Variants in PRKCE observed in about 807,000 individuals in gnomAD.
PRKCE encodes the protein protein kinase C epsilon type.
A neutral mutation model predicts 85.4 loss-of-function variants in PRKCE; 16 were observed. The ratio of observed to expected loss-of-function variants is 0.19; its 90% CI spans 0.13 to 0.28. The LOEUF (loss-of-function observed/expected upper bound fraction) is 0.28, where lower values mean the gene tolerates loss of function less well. Ranked by LOEUF, PRKCE falls within the 10% of genes least tolerant of loss-of-function variation. The probability of loss-of-function intolerance (pLI) is 1.00; values close to 1 mark genes in which losing one functional copy is unlikely to be tolerated. For synonymous variants in PRKCE, 388 were observed against 371.5 expected (o/e 1.04, Z -0.51); for missense variants, 573 against 975.2 (o/e 0.59, Z 5.49).
At chr2:46,066,234 A>G (rs1046581107) in intron 10 of PRKCE, among the ~76,000 whole-genome samples, 1 of 152,120 alleles carries the variant, frequency 6.6e-6, no homozygotes, top group African/African-American at 2.4e-5. Context: ...GTTTTGATGT[A>G]TCTGTTTTTC....
chr2:45,704,669 A>G (rs1678958834), intron 1 of PRKCE, among the ~76,000 whole-genome samples: 1 of 152,192 alleles, frequency 6.6e-6, no homozygotes, highest in Admixed American at 6.5e-5. Flanking sequence ...TATTGTGAGG[A>G]TGAAATGCCT....
At chr2:45,785,500 TA>T (rs11423618) in intron 1 of PRKCE, among the ~76,000 whole-genome samples, 99 of 135,440 alleles carry the variant, frequency 7.3e-4, no homozygotes, top group Admixed American at 6.6e-4. Flanking sequence ...AAAAAAAGAA[TA>T]AAAAAAAAAA....
intron 2 of PRKCE, among the ~76,000 whole-genome samples, chr2:45,846,673 G>A (rs962735077): frequency 2.0e-5 from 3 of 152,224 alleles, no homozygotes; most frequent in Non-Finnish European, 4.4e-5. Context: ...AGTCTTCTCT[G>A]TGGGACTCAA....
At chr2:45,985,011 T>A (rs1703197335) in intron 6 of PRKCE, among the ~76,000 whole-genome samples, 1 of 152,084 alleles carries the variant, frequency 6.6e-6, no homozygotes, top group African/African-American at 2.4e-5. Flanking sequence ...AAGTAATATT[T>A]TTGGAGTTAG....
At chr2:45,904,584 C>T (rs916933227) in intron 2 of PRKCE, among the ~76,000 whole-genome samples, 20 of 152,120 alleles carry the variant, frequency 1.3e-4, no homozygotes, top group African/African-American at 4.1e-4. Context: ...CTTCCCCTGC[C>T]AAGAAGCGAA....
chr2:46,137,047 G>A (rs369906221), intron 11 of PRKCE, among the ~76,000 whole-genome samples: 3 of 152,334 alleles, frequency 2.0e-5, no homozygotes, highest in East Asian at 3.9e-4. Flanking sequence ...TTTAAGAAAT[G>A]AGTGTTAGAG....
chr2:46,020,179 G>A (rs1706527614), intron 10 of PRKCE, among the ~76,000 whole-genome samples: 1 of 152,040 alleles, frequency 6.6e-6, no homozygotes, highest in Admixed American at 6.6e-5. Context: ...TACATTTTGT[G>A]GAGGTGCCTC....
intron 1 of PRKCE, among the ~76,000 whole-genome samples, chr2:45,814,975 G>T (rs555634399): frequency 6.6e-6 from 1 of 152,216 alleles, no homozygotes; most frequent in South Asian, 2.1e-4. Context: ...GTTCCTTTCT[G>T]CTCCAAAGCT....
intron 1 of PRKCE, among the ~76,000 whole-genome samples, chr2:45,744,293 ATT>A (rs1682843875): frequency 6.6e-6 from 1 of 152,110 alleles, no homozygotes; most frequent in Non-Finnish European, 1.5e-5. Context: ...GTGTGTAGGT[ATT>A]GTTTTCCAAA....
intron 2 of PRKCE, among the ~76,000 whole-genome samples, chr2:45,916,712 C>T (rs1195895764): frequency 1.3e-5 from 2 of 152,132 alleles, no homozygotes; most frequent in African/African-American, 4.8e-5. Flanking sequence ...CACAATAAAG[C>T]CCGATTACAG....
chr2:45,892,883 A>T (rs1214035392), intron 2 of PRKCE, among the ~76,000 whole-genome samples: 2 of 152,192 alleles, frequency 1.3e-5, no homozygotes, highest in African/African-American at 4.8e-5. Context: ...AATGTGCAGC[A>T]GTCAGTAATG....
chr2:45,910,888 T>G (rs942203526), intron 2 of PRKCE, among the ~76,000 whole-genome samples: 3 of 152,100 alleles, frequency 2.0e-5, no homozygotes, highest in African/African-American at 7.2e-5. Flanking sequence ...ACCGTACAAC[T>G]TGAAGGCCTG....
intron 11 of PRKCE, among the ~76,000 whole-genome samples, chr2:46,118,833 G>C (rs1253543476): frequency 6.6e-6 from 1 of 152,296 alleles, no homozygotes; most frequent in African/African-American, 2.4e-5. Context: ...CAAACCCAGA[G>C]CAATGGCCCC....
chr2:46,103,396 C>G (rs540159506), intron 11 of PRKCE, among the ~76,000 whole-genome samples: 1 of 152,254 alleles, frequency 6.6e-6, no homozygotes, highest in South Asian at 2.1e-4. Context: ...AATCTAGGTG[C>G]GAAGTGTGCT....
rs903642336 is a variant in PRKCE, at chr2:45,678,921, C to T, written c.348+26473C>T. On this transcript the variant is annotated intron_variant, in intron 1 of 14. Transcript: ENST00000306156. ...AGGTTCATCCTTGTTGAGGCCTAGA[C>T]GAGTGGAAGGTTTCTCATTTTGAAG... is the stretch of plus-strand genomic sequence containing the variant. Among the ~76,000 whole-genome samples the T allele has an allele frequency of 4.6e-5, 7 of 152,238 alleles. No individual in the cohort carries two copies. The East Asian group carries it at 5.8e-4, about 13-fold the overall frequency.
At chr2:45,751,321 G>A (rs1336360853) in intron 1 of PRKCE, among the ~76,000 whole-genome samples, 3 of 151,946 alleles carry the variant, frequency 2.0e-5, no homozygotes, top group African/African-American at 7.3e-5. Context: ...TGTATATGTG[G>A]GTACCATCTG....
At chr2:46,038,347 A>G (rs1052509685) in intron 10 of PRKCE, among the ~76,000 whole-genome samples, 1 of 152,104 alleles carries the variant, frequency 6.6e-6, no homozygotes, top group Non-Finnish European at 1.5e-5. Flanking sequence ...AAAGAAATCT[A>G]AACTAGGAAA....
rs761193718 is a variant in PRKCE at position 46,007,533 on chromosome 2, G to A, written c.1135G>A (p.Ala379Thr). 1.3e-6 allele frequency: 2 copies of A among 1,599,700 alleles called. No individual in the cohort carries two copies. Among genetic ancestry groups the A allele is most frequent in the African/African-American group, 2.7e-5 (2 of 74,948 alleles). ...CAACCGAGGAGAGGAGCACCGGGCA[G>A]CATCGTCTCCTGATGGCCAGCTGAT... ...FDNRGEEHRAASSPDGQLMSP... is the reference protein window; with the variant it reads ...FDNRGEEHRATSSPDGQLMSP... The change falls in exon 9 of 15, where the codon GCA (alanine) becomes ACA (threonine). Residue 379 changes from alanine to threonine, a missense_variant. Ala to Thr is a moderately conservative substitution (Grantham distance 58). Around this residue, in one of 11 missense-constraint regions of PRKCE, gnomAD observed 117 missense variants for 104.8 expected, o/e 1.12. Coordinates refer to ENST00000306156, the MANE Select transcript of PRKCE (RefSeq NM_005400.3).
At chr2:45,993,333 C>T (rs1703961451) in intron 6 of PRKCE, among the ~76,000 whole-genome samples, 1 of 152,214 alleles carries the variant, frequency 6.6e-6, no homozygotes, top group Admixed American at 6.5e-5. Context: ...GCTCCCCTTC[C>T]TCACCACTTT....
Sources: allele counts gnomAD v4.1 joint callset (sites outside exome capture counted in the v4.1 genomes callset), GRCh38; gene constraint gnomAD v4.1.1; regional missense constraint gnomAD v4.1.1; transcripts MANE v1.5; gene names NCBI Gene and HGNC (gene_info 2026-07-23, HGNC 2026-07-21).